Variants in GALK2 observed in about 807,000 individuals in gnomAD.
GALK2 encodes N-acetylgalactosamine kinase.
Under a neutral mutation model 52.4 loss-of-function variants are expected in GALK2, and 36 were observed. The observed-to-expected ratio is 0.69, with a 90% confidence interval of 0.53 to 0.91. GALK2 has a LOEUF of 0.91. Ranked by LOEUF, GALK2 falls within the 40% of genes least tolerant of loss-of-function variation. The pLI is 0.00. For synonymous variants in GALK2, 176 were observed against 199.1 expected, an observed-to-expected ratio of 0.88 and a Z score of 0.98; for missense variants, 579 against 559.1, an observed-to-expected ratio of 1.04 and a Z score of -0.36.
At chr15:49,158,938 A>G (rs1216589566) in intron 1 of GALK2, 4 of 152,270 alleles carry the variant, frequency 2.6e-5, no homozygotes, top group African/African-American at 9.6e-5. Context: ...TGACCTTCCC[A>G]TCTCAGCCTC....
intron 5 of GALK2, among the ~76,000 whole-genome samples, chr15:49,261,815 A>G (rs929716640): frequency 2.0e-5 from 3 of 152,162 alleles, no homozygotes; most frequent in African/African-American, 2.4e-5. Flanking sequence ...TTCTGCATCT[A>G]TTGAGATAAT....
chr15:49,270,544 A>T (rs2030344997), intron 5 of GALK2, among the ~76,000 whole-genome samples: 2 of 152,234 alleles, frequency 1.3e-5, no homozygotes, highest in African/African-American at 2.4e-5. Flanking sequence ...TCTGAGCATA[A>T]CATTTGAGCA....
chr15:49,262,399 G>C (rs1191387209), intron 5 of GALK2, among the ~76,000 whole-genome samples: 1 of 152,098 alleles, frequency 6.6e-6, no homozygotes, highest in East Asian at 1.9e-4. Context: ...GTATTTCTGT[G>C]GGATCGGTGG....
intron 8 of GALK2, among the ~76,000 whole-genome samples, chr15:49,313,348 C>G (rs2036148876): frequency 6.6e-6 from 1 of 152,328 alleles, no homozygotes; most frequent in Middle Eastern, 3.4e-3. Context: ...GCTAAAGCCT[C>G]AGATGTGAGG....
At chr15:49,282,302 A>G (rs563716169) in intron 6 of GALK2, among the ~76,000 whole-genome samples, 76 of 152,316 alleles carry the variant, frequency 5.0e-4, no homozygotes, top group Middle Eastern at 3.4e-3. Context: ...CGCTTCCAGA[A>G]TGATACTCAG....
intron 3 of GALK2, among the ~76,000 whole-genome samples, chr15:49,341,186 G>A (rs1322937187): frequency 6.6e-6 from 1 of 152,170 alleles, no homozygotes; most frequent in Non-Finnish European, 1.5e-5. Context: ...ATAGTTTGAA[G>A]TTGGGTAATA....
intron 8 of GALK2, among the ~76,000 whole-genome samples, chr15:49,313,970 G>A (rs1228150938): frequency 6.6e-6 from 1 of 152,238 alleles, no homozygotes; most frequent in African/African-American, 2.4e-5. Flanking sequence ...GACTCTTTCA[G>A]AGATGAAATA....
intron 5 of GALK2, among the ~76,000 whole-genome samples, chr15:49,253,445 G>A (rs909701267): frequency 7.0e-6 from 1 of 142,806 alleles, no homozygotes; most frequent in Non-Finnish European, 1.6e-5. Flanking sequence ...TTTTTTTTGT[G>A]GTGAAAGCAA....
At chr15:49,240,452 T>A (rs945908199) in intron 5 of GALK2, among the ~76,000 whole-genome samples, 1 of 152,212 alleles carries the variant, frequency 6.6e-6, no homozygotes. Flanking sequence ...TCACTATGCT[T>A]ATAGTCTAAA....
chr15:49,290,296 G>A (rs973445811), intron 7 of GALK2, among the ~76,000 whole-genome samples: 18 of 152,170 alleles, frequency 1.2e-4, no homozygotes, highest in African/African-American at 4.1e-4. Context: ...AACAGCTCAC[G>A]GGCTGTGCAG....
chr15:49,181,100 C>A (rs1321349302), intron 1 of GALK2, among the ~76,000 whole-genome samples: 7 of 114,140 alleles, frequency 6.1e-5, no homozygotes, highest in African/African-American at 2.3e-4. Flanking sequence ...CTTCCCTCCC[C>A]CCTCCCCTCA....
intron 1 of GALK2, among the ~76,000 whole-genome samples, chr15:49,189,177 A>C (rs2086559387): frequency 6.6e-6 from 1 of 152,190 alleles, no homozygotes; most frequent in Admixed American, 6.5e-5. Context: ...GGCCTAGTGG[A>C]GGAACTCAGC....
At chr15:49,210,773 G>T (rs2141351036) in intron 2 of GALK2, among the ~76,000 whole-genome samples, 1 of 151,890 alleles carries the variant, frequency 6.6e-6, no homozygotes, top group South Asian at 2.1e-4. Flanking sequence ...TCGAGATGTA[G>T]TCTCGCCCTG....
At chr15:49,238,400 C>A (rs1053786575) in intron 4 of GALK2, among the ~76,000 whole-genome samples, 1 of 152,198 alleles carries the variant, frequency 6.6e-6, no homozygotes, top group Admixed American at 6.5e-5. Flanking sequence ...AGAGTTTCCT[C>A]AACTTGTTTA....
chr15:49,178,263 T>TA (rs1308316341), intron 1 of GALK2: 1 of 130,856 alleles, frequency 7.6e-6, no homozygotes, highest in Admixed American at 7.9e-5. Flanking sequence ...TATGTATAAA[T>TA]AAAAATATAT....
At chr15:49,299,919 CTGT>C (rs1429250162) in intron 8 of GALK2, among the ~76,000 whole-genome samples, 1 of 151,490 alleles carries the variant, frequency 6.6e-6, no homozygotes, top group African/African-American at 2.4e-5. Context: ...AATGTATATT[CTGT>C]TGTTGTTGGG....
At chr15:49,354,482 G>T (rs1486083355) in intron 3 of GALK2, among the ~76,000 whole-genome samples, 4 of 152,224 alleles carry the variant, frequency 2.6e-5, no homozygotes, top group Non-Finnish European at 5.9e-5. Context: ...AGAAAGGGGT[G>T]ACGGACGGCA....
At chr15:49,316,191 G>A (rs2036393896) in intron 8 of GALK2, among the ~76,000 whole-genome samples, 1 of 152,164 alleles carries the variant, frequency 6.6e-6, no homozygotes, top group South Asian at 2.1e-4. Context: ...CAGTTGAAAT[G>A]TAAACTGGTG....
chr15:49,350,941 C>A (rs1228856183), intron 3 of GALK2, among the ~76,000 whole-genome samples: 3 of 152,170 alleles, frequency 2.0e-5, no homozygotes, highest in Non-Finnish European at 2.9e-5. Context: ...TCACATTCCC[C>A]CTTAAAAGCA....
Sources: gnomAD v4.1 joint callset for allele counts (sites outside exome capture counted in the v4.1 genomes callset) on GRCh38, gnomAD v4.1.1 for gene constraint, MANE v1.5 for transcripts, NCBI Gene and HGNC (gene_info 2026-07-23, HGNC 2026-07-21) for gene names.